Variants in TLCD4 observed in about 807,000 individuals in gnomAD.
TLCD4 encodes the protein TLC domain-containing protein 4.
TLCD4 carries 7 observed loss-of-function variants against 24.2 expected under a neutral mutation model. That is an observed-to-expected ratio of 0.29 (90% CI 0.16 to 0.54). The LOEUF is 0.54. TLCD4 is among the 20% of genes least tolerant of loss of function. The probability of loss-of-function intolerance (pLI) is 0.95; values close to 1 mark genes in which losing one functional copy is unlikely to be tolerated. For synonymous variants in TLCD4, 103 were observed against 106.4 expected, an observed-to-expected ratio of 0.97 and a Z score of 0.20; for missense variants, 259 against 313.9, an observed-to-expected ratio of 0.82 and a Z score of 1.32.
At chr1:95,105,656 G>A in the TLCD4 span, among the ~76,000 whole-genome samples, 33 of 152,238 alleles carry the variant, frequency 2.2e-4, no homozygotes, top group Non-Finnish European at 4.3e-4. Context: ...AGCACTTTGG[G>A]AGGCCGAGGC....
At position 95,189,612 on chromosome 1, in the gene TLCD4, T is replaced by C. The variant is rs532626067; in HGVS notation, c.474-1938T>C. ...TATTCTGTTTTCTGTCTTGATACTT[T>C]TGCTTTTTCTAGAATGTCTATAAAT... On this transcript the variant is annotated intron_variant, in intron 6 of 6. Transcript: ENST00000370203. Among the ~76,000 whole-genome samples, 9 of 152,354 alleles carry C rather than the reference T, an allele frequency of 5.9e-5. No homozygotes were observed. In the East Asian group the frequency reaches 1.5e-3, roughly 26 times the overall value.
chr1:95,092,746 C>T, the TLCD4 span, among the ~76,000 whole-genome samples: 2 of 152,216 alleles, frequency 1.3e-5, no homozygotes, highest in Non-Finnish European at 2.9e-5. Context: ...CCGCGAAGGT[C>T]CGCGGCTTCA....
At chr1:95,184,093 A>G (rs149220135) in intron 6 of TLCD4, among the ~76,000 whole-genome samples, 1 of 152,378 alleles carries the variant, frequency 6.6e-6, no homozygotes, top group African/African-American at 2.4e-5. Context: ...GTCAGCTTAC[A>G]GCCCAGTCCC....
At chr1:95,122,692 T>C (rs1480587557) in intron 1 of TLCD4, among the ~76,000 whole-genome samples, 1 of 152,228 alleles carries the variant, frequency 6.6e-6, no homozygotes, top group Non-Finnish European at 1.5e-5. Flanking sequence ...CATGTTACTA[T>C]TCATTGAATT....
the TLCD4 span, among the ~76,000 whole-genome samples, chr1:95,100,123 CAT>C: frequency 6.6e-6 from 1 of 151,490 alleles, no homozygotes; most frequent in Non-Finnish European, 1.5e-5. Flanking sequence ...TATGTATATG[CAT>C]ATATATACAT....
intron 5 of TLCD4, chr1:95,163,613 C>G (rs1226131571): frequency 2.0e-5 from 3 of 152,152 alleles, no homozygotes; most frequent in Non-Finnish European, 2.9e-5. Flanking sequence ...CTTTTCTGCT[C>G]TAGTTTCTCC....
At chr1:95,098,776 C>T in the TLCD4 span, among the ~76,000 whole-genome samples, 125 of 152,050 alleles carry the variant, frequency 8.2e-4, no homozygotes, top group African/African-American at 2.8e-3. Flanking sequence ...TTTTCTAGAA[C>T]GGGATAGGCT....
intron 6 of TLCD4, among the ~76,000 whole-genome samples, chr1:95,187,687 G>A (rs1409304883): frequency 6.6e-6 from 1 of 152,078 alleles, no homozygotes; most frequent in East Asian, 1.9e-4. Flanking sequence ...CCTTACACCT[G>A]CCCTCCCCCT....
upstream of TLCD4, among the ~76,000 whole-genome samples, chr1:95,115,007 G>T (rs558930004): frequency 3.3e-5 from 5 of 150,952 alleles, no homozygotes; most frequent in Admixed American, 1.3e-4. Context: ...ACAGAATTCT[G>T]AGAAAGTATC....
chr1:95,177,581 T>G (rs986784894), intron 6 of TLCD4, among the ~76,000 whole-genome samples: 2 of 152,306 alleles, frequency 1.3e-5, no homozygotes, highest in East Asian at 3.9e-4. Flanking sequence ...AATAATTTTA[T>G]TTTTTATTAA....
At position 95,197,334 on chromosome 1, in the gene TLCD4, T is replaced by A. The variant is rs1679234146; in HGVS notation, c.*5466T>A. On this transcript the variant is annotated 3_prime_UTR_variant, in exon 7 of 7. Coordinates refer to ENST00000370203, the MANE Select transcript of TLCD4 (RefSeq NM_152487.3). ...ATGTCTAAGTTATTTCCATTAAAAT[T>A]TTGAAATGTTTGTATACTTTATGTG... 6.6e-6 allele frequency: 1 copy of A among 152,192 alleles called. No individual in the cohort carries two copies. Among genetic ancestry groups the A allele is most frequent in the African/African-American group, 2.4e-5 (1 of 41,452 alleles). The allele number at this position is 152,192 out of a possible 1,614,324, so 9.4% of individuals were successfully genotyped here. A position where few individuals can be genotyped will look rare whatever the true frequency, so the allele number is the denominator to read the frequency against.
intron 3 of TLCD4, 117 bp from the exon 4 acceptor site, chr1:95,150,091 T>A: frequency 7.4e-7 from 1 of 1,353,560 alleles, no homozygotes. Context: ...AGATGACAGC[T>A]TACCATTTGA....
chr1:95,119,974 TTGTC>T (rs1449560002), intron 1 of TLCD4, among the ~76,000 whole-genome samples: 1 of 152,156 alleles, frequency 6.6e-6, no homozygotes, highest in African/African-American at 2.4e-5. Flanking sequence ...AATGAATTAA[TTGTC>T]TGGGTGAGAA....
chr1:95,134,372 G>A (rs1676989233), intron 1 of TLCD4, among the ~76,000 whole-genome samples: 1 of 152,192 alleles, frequency 6.6e-6, no homozygotes, highest in African/African-American at 2.4e-5. Flanking sequence ...GGATATGGGT[G>A]TTTGCAGTGG....
chr1:95,105,893 T>TCAACAAAAAAAAAAA, the TLCD4 span, among the ~76,000 whole-genome samples: 1 of 102,864 alleles, frequency 9.7e-6, no homozygotes, highest in South Asian at 3.3e-4. Context: ...AGACTCCGTC[T>TCAACAAAAAAAAAAA]TAAAAAAAAA....
chr1:95,127,034 A>C (rs1676758645), intron 1 of TLCD4, among the ~76,000 whole-genome samples: 1 of 152,184 alleles, frequency 6.6e-6, no homozygotes, highest in Non-Finnish European at 1.5e-5. Context: ...CATTTAACAG[A>C]TTATCTCACT....
At chr1:95,114,656 C>T (rs1571714458), upstream of TLCD4, among the ~76,000 whole-genome samples, 1 of 151,896 alleles carries the variant, frequency 6.6e-6, no homozygotes, top group South Asian at 2.1e-4. Flanking sequence ...ATGGTGAAAC[C>T]CCGTCTCTAT....
chr1:95,117,362 A>C lies in TLCD4; in HGVS notation c.-267A>C, dbSNP rs1676450928. ...AGCGGCCGCGGCCCCTTTAAGGAGC[A>C]GCTCTGCGGTAACCCGAGCCCGCAG... On this transcript the variant is annotated 5_prime_UTR_variant, in exon 1 of 7. Coordinates refer to ENST00000370203, the MANE Select transcript of TLCD4 (RefSeq NM_152487.3). 1 of 152,142 alleles carries C rather than the reference A, an allele frequency of 6.6e-6. No homozygotes were observed. 9.4% of individuals were successfully genotyped at this position (152,142 alleles called of 1,614,324 possible).
rs1369643639 is a variant in TLCD4, at chr1:95,195,725, A to G, written c.*3857A>G. 6.6e-6 allele frequency: 1 copy of G among 152,196 alleles called. No homozygotes were observed. Among genetic ancestry groups the G allele is most frequent in the African/African-American group, 2.4e-5 (1 of 41,438 alleles). 9.4% of individuals were successfully genotyped at this position (152,196 alleles called of 1,614,324 possible). ...TTAAAGCTACTGAAAGTGAGTTCTGATGCAAAACACATGTGAGGTGTGTAG... is the reference window on the plus strand; with the variant it reads ...TTAAAGCTACTGAAAGTGAGTTCTGGTGCAAAACACATGTGAGGTGTGTAG... On this transcript the variant is annotated 3_prime_UTR_variant, in exon 7 of 7. Coordinates refer to ENST00000370203, the MANE Select transcript of TLCD4 (RefSeq NM_152487.3).
Sources: allele counts gnomAD v4.1 joint callset (sites outside exome capture counted in the v4.1 genomes callset), GRCh38; gene constraint gnomAD v4.1.1; transcripts MANE v1.5; gene names NCBI Gene and HGNC (gene_info 2026-07-23, HGNC 2026-07-21).